Variants in RADX observed in about 807,000 individuals in gnomAD.
RADX encodes the protein RPA-related protein RADX.
RADX carries 36 observed loss-of-function variants against 61.6 expected under a neutral mutation model. The observed-to-expected ratio is 0.58, with a 90% confidence interval of 0.45 to 0.77. The LOEUF (loss-of-function observed/expected upper bound fraction) is 0.77. Among genes scored for constraint, RADX ranks in the 30% least tolerant of loss-of-function variants. The pLI, the probability that RADX is intolerant of heterozygous loss-of-function variation, is 0.00. For synonymous variants in RADX, 272 were observed against 237.9 expected (o/e 1.14, Z -1.32); for missense variants, 497 against 651.1 (o/e 0.76, Z 2.58).
In RADX at chrX:106,658,510, A is replaced by G. The variant is rs1159675105; in HGVS notation, c.1979-3505A>G. ...AAATTCCATTTATGTCTTTGGCCAC[A>G]TAGGAAGACACATTCCAAGATTTTC... On this transcript the variant is annotated intron_variant, in intron 11 of 13. Transcript: ENST00000372548. Among the ~76,000 whole-genome samples the G allele has an allele frequency of 2.7e-5, 3 of 112,231 alleles. No homozygotes were observed. The Admixed American group carries it at 2.8e-4, about 11-fold the overall frequency.
chrX:106,625,519 G>T (rs1927055609), intron 3 of RADX, among the ~76,000 whole-genome samples: 1 of 111,130 alleles, frequency 9.0e-6, no homozygotes, highest in African/African-American at 3.3e-5. Flanking sequence ...TGAAGAATGA[G>T]CTCCACTTGG....
chrX:106,670,405 A>G (rs1053407821), intron 13 of RADX, among the ~76,000 whole-genome samples: 2 of 110,492 alleles, frequency 1.8e-5, no homozygotes, highest in African/African-American at 6.6e-5. Flanking sequence ...TTGATATAAA[A>G]TACCAGTTCA....
rs757810847 is a variant in RADX, at chrX:106,612,714, A to G, written c.634A>G (p.Asn212Asp). ...AACAGACAAGCAACCTGAGGAACAC[A>G]ACTTTAGCGGTAAGTGTTTGGAAAG... ...WLTDKQPEEH[N>D]FSDTKIISLS... The change falls in exon 1 of 14, where the codon AAC becomes GAC. Residue 212 changes from asparagine (N) to aspartate (D), a missense_variant. Transcript: ENST00000372548. 8.4e-7 allele frequency: 1 copy of G among 1,190,275 alleles called. No homozygotes were observed. The highest frequency in any genetic ancestry group is 1.8e-5 in the African/African-American group (1 of 56,169).
chrX:106,662,665 G>A (rs1356572508), intron 12 of RADX, among the ~76,000 whole-genome samples: 1 of 103,985 alleles, frequency 9.6e-6, no homozygotes, highest in East Asian at 3.1e-4. Context: ...GAAGGGTAAA[G>A]TGTAAGTTAA....
chrX:106,628,331 A>G (rs1288363410), intron 3 of RADX, among the ~76,000 whole-genome samples: 1 of 112,282 alleles, frequency 8.9e-6, no homozygotes, highest in African/African-American at 3.2e-5. Flanking sequence ...AAAATGTAAT[A>G]GACAAAAAGG....
intron 10 of RADX, among the ~76,000 whole-genome samples, chrX:106,647,939 T>A (rs1050871948): frequency 1.8e-5 from 2 of 110,697 alleles, no homozygotes; most frequent in Non-Finnish European, 3.8e-5. Flanking sequence ...GTCAGATGAG[T>A]AGTTTGCAAA....
Position 106,632,742 on chromosome X carries a change from G to T in RADX, c.1088+9G>T, listed in dbSNP as rs183727526. 2.8e-4 allele frequency: 304 copies of T among 1,095,004 alleles called. 3 individuals are homozygous for T. In the East Asian group the frequency reaches 9.1e-3, roughly 33 times the overall value. 90.2% of individuals were successfully genotyped at this position (1,095,004 alleles called of 1,213,427 possible). On this transcript the variant is annotated intron_variant, in intron 4 of 13. Transcript: ENST00000372548. ...CACCGATTTACCACAAGGTAAAATA[G>T]TTTCTTGTAAAATGTCTTAAATATT...
chrX:106,655,313 AGTT>A (rs1927910529), intron 11 of RADX, among the ~76,000 whole-genome samples: 1 of 101,911 alleles, frequency 9.8e-6, no homozygotes, highest in African/African-American at 3.8e-5. Flanking sequence ...TTTTTTTTTA[AGTT>A]GTTATTAGCT....
intron 13 of RADX, among the ~76,000 whole-genome samples, chrX:106,669,546 A>G (rs1240180487): frequency 8.9e-6 from 1 of 111,770 alleles, no homozygotes; most frequent in Non-Finnish European, 1.9e-5. Flanking sequence ...CATTAAGAAT[A>G]TTATCTTATA....
intron 13 of RADX, among the ~76,000 whole-genome samples, chrX:106,673,115 C>T (rs777639661): frequency 8.9e-6 from 1 of 112,032 alleles, no homozygotes; most frequent in Admixed American, 9.4e-5. Flanking sequence ...CCACTTGTTG[C>T]TCTACCTCCC....
chrX:106,650,108 T>C (rs909594288), intron 11 of RADX, among the ~76,000 whole-genome samples: 2 of 110,958 alleles, frequency 1.8e-5, no homozygotes, highest in Non-Finnish European at 3.8e-5. Flanking sequence ...AAGTTGGAAG[T>C]TTGCAGAAGG....
intron 6 of RADX, among the ~76,000 whole-genome samples, chrX:106,634,700 G>A (rs1444663710): frequency 9.0e-6 from 1 of 111,631 alleles, no homozygotes; most frequent in Non-Finnish European, 1.9e-5. Context: ...GGACTTCCAA[G>A]GTGAGTGGGC....
chrX:106,634,203 T>C (rs757974832), intron 6 of RADX, among the ~76,000 whole-genome samples: 1 of 111,432 alleles, frequency 9.0e-6, no homozygotes, highest in African/African-American at 3.3e-5. Context: ...GTGCACAATC[T>C]TGACTCACTG....
chrX:106,649,447 G>C (rs911096872), intron 11 of RADX, among the ~76,000 whole-genome samples: 1 of 111,587 alleles, frequency 9.0e-6, no homozygotes. Flanking sequence ...TCAGCTTGGT[G>C]ATTAAACTTC....
intron 3 of RADX, among the ~76,000 whole-genome samples, chrX:106,627,599 A>G (rs1224862449): frequency 9.0e-6 from 1 of 111,120 alleles, no homozygotes; most frequent in Non-Finnish European, 1.9e-5. Flanking sequence ...CCTTTGATCA[A>G]CATCTTGTTT....
chrX:106,660,328 A>C (rs998048960), intron 11 of RADX, among the ~76,000 whole-genome samples: 1 of 112,088 alleles, frequency 8.9e-6, no homozygotes, highest in Non-Finnish European at 1.9e-5. Context: ...GCAATATTTT[A>C]AATTCCTGGT....
intron 7 of RADX, 42 bp from the exon 8 acceptor site, chrX:106,637,718 T>C (rs190460963): frequency 6.4e-5 from 70 of 1,087,756 alleles, no homozygotes; most frequent in Non-Finnish European, 8.4e-5. Context: ...ACAGTGACAT[T>C]TTTATTTCTC....
At chrX:106,675,646 A>G (rs1035764018) in intron 13 of RADX, among the ~76,000 whole-genome samples, 2 of 112,449 alleles carry the variant, frequency 1.8e-5, no homozygotes, top group Admixed American at 9.4e-5. Flanking sequence ...AAGAGAGGAA[A>G]TGGAGTGGAG....
chrX:106,672,472 A>G (rs1276749806), intron 13 of RADX, among the ~76,000 whole-genome samples: 1 of 103,808 alleles, frequency 9.6e-6, no homozygotes, highest in Non-Finnish European at 1.9e-5. Context: ...TTTTCTCCCA[A>G]AGATACTCTC....
Sources: allele counts gnomAD v4.1 joint callset (sites outside exome capture counted in the v4.1 genomes callset), GRCh38; gene constraint gnomAD v4.1.1; transcripts MANE v1.5; gene names NCBI Gene and HGNC (gene_info 2026-07-23, HGNC 2026-07-21).